Variants in CNTN3 observed in about 807,000 individuals in gnomAD.
CNTN3 encodes contactin 3, also known as contactin-3.
In CNTN3, 60 loss-of-function variants were observed where a neutral mutation model predicts 119.1. That is an observed-to-expected ratio of 0.50 (90% confidence interval 0.41 to 0.62). The LOEUF (loss-of-function observed/expected upper bound fraction) is 0.62. Ranked by LOEUF, CNTN3 falls within the 20% of genes least tolerant of loss-of-function variation. CNTN3 has a pLI of 0.00. For missense variants in CNTN3, 1,101 were observed against 1,242.4 expected (o/e 0.89, Z 1.71); for synonymous variants, 450 against 438.7 (o/e 1.03, Z -0.32).
chr3:74,534,820 T>G (rs769305897), intron 1 of CNTN3, among the ~76,000 whole-genome samples: 4 of 151,886 alleles, frequency 2.6e-5, no homozygotes, highest in Non-Finnish European at 4.4e-5. Context: ...AATTGCGGTT[T>G]TTGCCATTGA....
At position 74,521,050 on chromosome 3, in the gene CNTN3, T is replaced by C; in HGVS notation, c.55+8A>G. On this transcript the variant is annotated splice_region_variant and intron_variant, in intron 2 of 22. Transcript: ENST00000263665. ...CCTCAACTTAGAAAATATAGGATTT[T>C]TTTTTACCTCCTAAGCAGCCAATGA... The C allele has an allele frequency of 1.3e-6, 2 of 1,573,770 alleles. No homozygotes were observed. Among genetic ancestry groups the C allele is most frequent in the Non-Finnish European group, 1.7e-6 (2 of 1,154,174 alleles).
At position 74,272,679 on chromosome 3, in the gene CNTN3, C is replaced by A. The variant is rs1167936241; in HGVS notation, c.2705-5301G>T. Among the ~76,000 whole-genome samples, 5 of 152,228 alleles carry A rather than the reference C, an allele frequency of 3.3e-5. No individual in the cohort carries two copies. In the East Asian group the frequency reaches 9.7e-4, roughly 29 times the overall value. ...CCAACAAATAGCATTCAGTCACCTG[C>A]AGAAAAATTCCCTTGTAATCTTCCC... is the stretch of plus-strand genomic sequence containing the variant. On this transcript the variant is annotated intron_variant, in intron 20 of 22. Transcript: ENST00000263665.
Position 74,266,496 on chromosome 3 carries a change from T to A in CNTN3, c.2971A>T (p.Ile991Phe). 6.2e-7 allele frequency: 1 copy of A among 1,613,298 alleles called. No homozygotes were observed. Among genetic ancestry groups the A allele is most frequent in the Non-Finnish European group, 8.5e-7 (1 of 1,179,416 alleles). ...GDGTSSEQIR[I>F]PRITSMDARG... is the part of the protein sequence containing the mutation. ...ACCAACTTACTGGTTATTCGTGGAATCCTGATCTGTTCACTACTGGTCCCA... is the reference window on the plus strand; with the variant it reads ...ACCAACTTACTGGTTATTCGTGGAAACCTGATCTGTTCACTACTGGTCCCA... The change falls in exon 22 of 23, where the codon ATT (isoleucine) becomes TTT (phenylalanine). Residue 991 changes from isoleucine (I) to phenylalanine (F), a missense_variant. Transcript: ENST00000263665.
intron 11 of CNTN3, among the ~76,000 whole-genome samples, chr3:74,348,040 G>A (rs111723839): frequency 2.1e-3 from 317 of 152,328 alleles, no homozygotes; most frequent in African/African-American, 7.0e-3. Context: ...GGATGGGGGA[G>A]ATGGAGAAAT....
rs551539584 is a variant in CNTN3, at chr3:74,484,909, C to T, written c.358+1547G>A. On this transcript the variant is annotated intron_variant, in intron 4 of 22. Coordinates refer to ENST00000263665, the MANE Select transcript of CNTN3 (RefSeq NM_020872.3). Reference sequence around the variant, plus strand: ...TTAAAATGAAAAAGCATGAAACATACTTGAATTTTTTAATGTAACATAGTA... The same window carrying T: ...TTAAAATGAAAAAGCATGAAACATATTTGAATTTTTTAATGTAACATAGTA... Among the ~76,000 whole-genome samples the T allele has an allele frequency of 4.6e-5, 7 of 151,930 alleles. No homozygotes were observed. In the South Asian group the frequency reaches 1.0e-3, roughly 23 times the overall value.
intron 4 of CNTN3, among the ~76,000 whole-genome samples, chr3:74,466,628 T>C (rs1233605870): frequency 1.3e-5 from 2 of 152,150 alleles, no homozygotes; most frequent in Non-Finnish European, 2.9e-5. Flanking sequence ...GTGGGTTGAA[T>C]GTGACATTTT....
chr3:74,283,952 A>G (rs1263454910), intron 20 of CNTN3, among the ~76,000 whole-genome samples: 1 of 152,116 alleles, frequency 6.6e-6, no homozygotes, highest in Non-Finnish European at 1.5e-5. Flanking sequence ...GTTGCTTACA[A>G]ATGGGTCTTG....
At chr3:74,450,502 G>GGT (rs759833089) in intron 4 of CNTN3, among the ~76,000 whole-genome samples, 293 of 128,244 alleles carry the variant, frequency 2.3e-3, no homozygotes, top group African/African-American at 7.2e-3. Flanking sequence ...CTGAAGCCCT[G>GGT]TTTTTTTTTT....
intron 20 of CNTN3, among the ~76,000 whole-genome samples, chr3:74,277,806 C>A (rs591338): frequency 0.091 from 13,900 of 152,022 alleles, 726 homozygotes; most frequent in East Asian, 0.19. Context: ...GCATCCAGAT[C>A]AGTAAAGAAG....
intron 19 of CNTN3, 117 bp from the exon 20 acceptor site, chr3:74,285,608 C>T: frequency 9.8e-7 from 1 of 1,016,940 alleles, no homozygotes; most frequent in Non-Finnish European, 1.5e-6. Context: ...CCAATATTTA[C>T]TGAAGACCTA....
intron 3 of CNTN3, among the ~76,000 whole-genome samples, chr3:74,488,685 A>T (rs910706206): frequency 6.6e-6 from 1 of 152,174 alleles, no homozygotes; most frequent in Non-Finnish European, 1.5e-5. Flanking sequence ...AGGCTTTCTC[A>T]CTTTTTCTGT....
At chr3:74,547,669 A>G (rs1056327991) in intron 1 of CNTN3, among the ~76,000 whole-genome samples, 1 of 152,156 alleles carries the variant, frequency 6.6e-6, no homozygotes, top group African/African-American at 2.4e-5. Flanking sequence ...ATAGAAATAT[A>G]ATTTACAAAC....
chr3:74,451,980 A>G (rs1575739061), intron 4 of CNTN3, among the ~76,000 whole-genome samples: 1 of 133,246 alleles, frequency 7.5e-6, no homozygotes, highest in South Asian at 2.3e-4. Context: ...TTGGCTTAGG[A>G]TTGACTTGGC....
rs983568533 is a variant in CNTN3 at position 74,279,842 on chromosome 3, G to A, written c.2704+5463C>T. On this transcript the variant is annotated intron_variant, in intron 20 of 22. Coordinates refer to ENST00000263665, the MANE Select transcript of CNTN3 (RefSeq NM_020872.3). ...ATTGAACTCATGGACATAGAGAGTA[G>A]AAGGATGATTACTAGGGGCTGGGAA... Among the ~76,000 whole-genome samples, 13 of 152,164 alleles carry A rather than the reference G, an allele frequency of 8.5e-5. 2 individuals carry two copies. Among genetic ancestry groups the A allele is most frequent in the Admixed American group, 5.9e-4 (9 of 15,264 alleles).
intron 3 of CNTN3, 125 bp from the exon 4 acceptor site, chr3:74,486,756 T>C: frequency 1.3e-6 from 1 of 761,770 alleles, no homozygotes; most frequent in Non-Finnish European, 2.0e-6. Flanking sequence ...ATTATTCAAG[T>C]GTTACATAAC....
At chr3:74,439,001 T>G (rs1298645760) in intron 4 of CNTN3, among the ~76,000 whole-genome samples, 1 of 152,164 alleles carries the variant, frequency 6.6e-6, no homozygotes, top group Non-Finnish European at 1.5e-5. Context: ...AGTAATAGCA[T>G]AGTTCACAGG....
intron 22 of CNTN3, 42 bp downstream of exon 22, chr3:74,266,439 C>T (rs767921732): frequency 2.5e-6 from 4 of 1,575,752 alleles, no homozygotes; most frequent in South Asian, 1.1e-5. Flanking sequence ...CGGATAGTAA[C>T]ACTGATGTCA....
intron 4 of CNTN3, among the ~76,000 whole-genome samples, chr3:74,482,395 A>AT (rs1180599140): frequency 1.3e-5 from 2 of 152,072 alleles, no homozygotes; most frequent in Admixed American, 6.6e-5. Flanking sequence ...ATTTAAAATA[A>AT]TAAATCATTC....
chr3:74,450,554 C>T (rs1702131365), intron 4 of CNTN3, among the ~76,000 whole-genome samples: 1 of 150,206 alleles, frequency 6.7e-6, no homozygotes, highest in African/African-American at 2.5e-5. Context: ...GGTACATGTG[C>T]ACAATGTGCA....
Sources: allele counts gnomAD v4.1 joint callset (sites outside exome capture counted in the v4.1 genomes callset), GRCh38; gene constraint gnomAD v4.1.1; transcripts MANE v1.5; gene names NCBI Gene and HGNC (gene_info 2026-07-23, HGNC 2026-07-21).